ITPR2: variants seen among roughly 807,000 people sequenced by gnomAD.
ITPR2 encodes inositol 1,4,5-trisphosphate-gated calcium channel ITPR2.
Under a neutral mutation model 317.1 loss-of-function variants are expected in ITPR2, and 207 were observed. The ratio of observed to expected loss-of-function variants is 0.65; its 90% confidence interval spans 0.58 to 0.73. The LOEUF (loss-of-function observed/expected upper bound fraction) is 0.73. ITPR2 is among the 30% of genes least tolerant of loss of function. The probability of loss-of-function intolerance (pLI) is 0.00; values close to 1 mark genes in which losing one functional copy is unlikely to be tolerated. For synonymous variants in ITPR2, 1,156 were observed against 1,149.1 expected (o/e 1.01, Z -0.12); for missense variants, 2,613 against 3,284.0 (o/e 0.80, Z 4.99).
At chr12:26,364,199 C>T (rs1034887109) in intron 55 of ITPR2, among the ~76,000 whole-genome samples, 4 of 152,142 alleles carry the variant, frequency 2.6e-5, no homozygotes, top group African/African-American at 4.8e-5. Flanking sequence ...ATCCACCTGT[C>T]CTGGGGATTT....
intron 32 of ITPR2, among the ~76,000 whole-genome samples, chr12:26,589,853 T>TAC (rs56044866): frequency 0.052 from 2,998 of 57,290 alleles, 246 homozygotes; most frequent in African/African-American, 0.14. Flanking sequence ...TATATATATA[T>TAC]ACACACACAC....
chr12:26,598,776 G>C (rs925628930), intron 30 of ITPR2, among the ~76,000 whole-genome samples: 1 of 152,132 alleles, frequency 6.6e-6, no homozygotes, highest in Non-Finnish European at 1.5e-5. Flanking sequence ...TTCAGAAACA[G>C]AGCAATAAAG....
At chr12:26,658,911 A>G (rs1477638576) in intron 16 of ITPR2, among the ~76,000 whole-genome samples, 1 of 152,198 alleles carries the variant, frequency 6.6e-6, no homozygotes, top group Non-Finnish European at 1.5e-5. Context: ...AATCAATCAC[A>G]CTTAAGTATG....
chr12:26,816,990 T>C (rs1320733211), intron 1 of ITPR2, among the ~76,000 whole-genome samples: 7 of 151,700 alleles, frequency 4.6e-5, no homozygotes, highest in Non-Finnish European at 8.8e-5. Flanking sequence ...CCATCCTGGC[T>C]AACACGGTGA....
chr12:26,589,806 TAAAAAATAAATAAATAAATAAATAAAC>T (rs1423297482), intron 32 of ITPR2, among the ~76,000 whole-genome samples: 17 of 23,230 alleles, frequency 7.3e-4, no homozygotes, highest in African/African-American at 1.8e-3. Flanking sequence ...AATAAATAAA[TAAAAAATAAATAAATAAATAAATAAAC>T]ATATATATAT....
chr12:26,345,581 G>A (rs867387370), intron 55 of ITPR2, among the ~76,000 whole-genome samples: 1 of 152,142 alleles, frequency 6.6e-6, no homozygotes. Flanking sequence ...ACAAAGCCAT[G>A]GAGAAGGGGG....
chr12:26,673,805 C>A (rs1215462875), intron 13 of ITPR2, among the ~76,000 whole-genome samples: 2,367 of 109,094 alleles, frequency 0.022, no homozygotes, highest in Non-Finnish European at 0.025. Flanking sequence ...CCCATTGTCT[C>A]AGCCCAAAAT....
intron 43 of ITPR2, 64 bp downstream of exon 43, chr12:26,481,067 G>C: frequency 1.2e-6 from 1 of 869,412 alleles, no homozygotes; most frequent in South Asian, 1.5e-5. Context: ...TTTGACAAGA[G>C]CTGCTTGAAG....
chr12:26,563,397 C>G (rs1194108988), intron 34 of ITPR2, among the ~76,000 whole-genome samples: 1 of 152,100 alleles, frequency 6.6e-6, no homozygotes, highest in East Asian at 1.9e-4. Context: ...TGGTGAAACC[C>G]CATCTCTACT....
rs765682095 is a variant in ITPR2 at position 26,340,242 on chromosome 12, G to A, written c.7944C>T (p.Ser2648=). 3.1e-6 allele frequency: 5 copies of A among 1,611,724 alleles called. No homozygotes were observed. The Admixed American group carries it at 8.4e-5, about 27-fold the overall frequency. Residue 2648 remains serine, a synonymous_variant, in exon 56 of 57, where the codon AGC becomes AGT. Transcript: ENST00000381340. ...EGDSEQNEIR[S]LQEKLESTMS... is the part of the protein sequence containing the mutation. ...TGGTCGATTCCAACTTCTCCTGAAG[G>A]CTCCGAATTTCATTTTGCTCACTGT...
intron 21 of ITPR2, among the ~76,000 whole-genome samples, chr12:26,647,152 ACCCCAGT>A (rs1391603813): frequency 6.6e-6 from 1 of 152,176 alleles, no homozygotes; most frequent in East Asian, 1.9e-4. Flanking sequence ...CCAAAGTTGA[ACCCCAGT>A]CCCGTTCAAA....
chr12:26,822,331 C>G (rs1950948807), intron 1 of ITPR2, among the ~76,000 whole-genome samples: 2 of 152,020 alleles, frequency 1.3e-5, no homozygotes, highest in Admixed American at 6.5e-5. Flanking sequence ...TTAGTCTTCC[C>G]TGCATTCATG....
chr12:26,595,385 T>C, intron 32 of ITPR2, 80 bp downstream of exon 32: 21 of 1,356,030 alleles, frequency 1.5e-5, no homozygotes, highest in Non-Finnish European at 2.0e-5. Context: ...TGAATTTAAC[T>C]GCAAGTTTTC....
chr12:26,739,902 A>T (rs1026648235), intron 2 of ITPR2, among the ~76,000 whole-genome samples: 1 of 152,272 alleles, frequency 6.6e-6, no homozygotes, highest in Non-Finnish European at 1.5e-5. Context: ...GAAAAAAGAT[A>T]AACTTTAAAG....
At chr12:26,345,781 C>T (rs1591950477) in intron 55 of ITPR2, among the ~76,000 whole-genome samples, 1 of 152,182 alleles carries the variant, frequency 6.6e-6, no homozygotes, top group East Asian at 1.9e-4. Flanking sequence ...TTAACCTAAG[C>T]CAGAACCACA....
chr12:26,663,453 T>C (rs925980029), intron 15 of ITPR2, among the ~76,000 whole-genome samples: 1 of 152,202 alleles, frequency 6.6e-6, no homozygotes, highest in Non-Finnish European at 1.5e-5. Flanking sequence ...AGGCACATAT[T>C]AGTACTCAGG....
chr12:26,411,429 T>C lies in ITPR2; in HGVS notation c.7307-17A>G, dbSNP rs377473035. On this transcript the variant is annotated splice_polypyrimidine_tract_variant and intron_variant, in intron 51 of 56. Transcript: ENST00000381340. ...GATGACTGCCTAAGAAAATACAAAG[T>C]AGTATATAATATAGAGTCAAATATG... 93 of 1,530,838 alleles carry C rather than the reference T, an allele frequency of 6.1e-5. No individual in the cohort carries two copies. In the African/African-American group the frequency reaches 1.2e-3, roughly 19 times the overall value. 94.8% of individuals were successfully genotyped at this position (1,530,838 alleles called of 1,614,324 possible).
At chr12:26,567,981 TATATATA>T (rs1945034234) in intron 34 of ITPR2, among the ~76,000 whole-genome samples, 1 of 3,826 alleles carries the variant, frequency 2.6e-4, no homozygotes, top group African/African-American at 6.1e-4. Flanking sequence ...ATATATATTA[TATATATA>T]TATATATATT....
intron 36 of ITPR2, among the ~76,000 whole-genome samples, chr12:26,553,780 G>A (rs73087263): frequency 0.16 from 24,195 of 151,622 alleles, 2,611 homozygotes; most frequent in Non-Finnish European, 0.24. Context: ...GCAAGACTCC[G>A]TCTCAAAAAA....
Sources: allele counts gnomAD v4.1 joint callset (sites outside exome capture counted in the v4.1 genomes callset), GRCh38; gene constraint gnomAD v4.1.1; transcripts MANE v1.5; gene names NCBI Gene and HGNC (gene_info 2026-07-23, HGNC 2026-07-21).